The following RAB3IP variants were observed in gnomAD, a reference collection of about 807,000 sequenced individuals.
The protein encoded by RAB3IP is rab-3A-interacting protein.
A neutral mutation model predicts 59.1 loss-of-function variants in RAB3IP; 36 were observed. The ratio of observed to expected loss-of-function variants is 0.61; its 90% CI spans 0.47 to 0.80. The LOEUF (loss-of-function observed/expected upper bound fraction) is 0.80, where lower values mean the gene tolerates loss of function less well. RAB3IP is among the 30% of genes least tolerant of loss of function. The pLI is 0.00. For missense variants in RAB3IP, 511 were observed against 536.0 expected (o/e 0.95, Z 0.46); for synonymous variants, 207 against 191.2 (o/e 1.08, Z -0.68).
chr12:69,754,271 TTGA>T (rs1869810382), intron 1 of RAB3IP, among the ~76,000 whole-genome samples: 1 of 152,008 alleles, frequency 6.6e-6, no homozygotes, highest in South Asian at 2.1e-4. Context: ...CTTCCAGATT[TTGA>T]TGATGATTTT....
chr12:69,784,724 T>G lies in RAB3IP; in HGVS notation c.515T>G (p.Leu172Arg). The change falls in exon 4 of 11, where the codon CTG (leucine) becomes CGG (arginine). Residue 172 changes from leucine (L) to arginine (R), a missense_variant. Physicochemically the swap from Leu to Arg is moderately radical, Grantham distance 102 (BLOSUM62 -2). Transcript: ENST00000247833. ...KEELAKAQRE[L>R]KLKDEECERL... is the part of the protein sequence containing the mutation. ...AAAATTATCAATTTCTCTTAGGAAC[T>G]GAAGTTAAAAGATGAAGAATGTGAG... is the stretch of plus-strand genomic sequence containing the variant. The G allele has an allele frequency of 6.3e-7, 1 of 1,594,552 alleles. No homozygotes were observed. Among genetic ancestry groups the G allele is most frequent in the Non-Finnish European group, 8.6e-7 (1 of 1,166,384 alleles).
At chr12:69,799,196 CTA>C (rs2136241795) in intron 6 of RAB3IP, among the ~76,000 whole-genome samples, 1 of 152,274 alleles carries the variant, frequency 6.6e-6, no homozygotes, top group East Asian at 1.9e-4. Flanking sequence ...ACACTCAGCT[CTA>C]TGTTACATTT....
upstream of RAB3IP, chr12:69,738,419 C>T (rs1246223560): frequency 6.6e-6 from 1 of 152,278 alleles, no homozygotes; most frequent in Non-Finnish European, 1.5e-5. Flanking sequence ...TTCCTCCCCT[C>T]CCATCTCCCG....
intron 8 of RAB3IP, among the ~76,000 whole-genome samples, chr12:69,805,135 A>G (rs1879042076): frequency 6.6e-6 from 1 of 152,178 alleles, no homozygotes; most frequent in South Asian, 2.1e-4. Context: ...TGAGCATTGA[A>G]TGTTCTTCCA....
chr12:69,793,175 A>G (rs1263827544), intron 4 of RAB3IP, among the ~76,000 whole-genome samples: 2 of 152,224 alleles, frequency 1.3e-5, no homozygotes, highest in Non-Finnish European at 2.9e-5. Flanking sequence ...CTTTGCCAAG[A>G]TAGCCAGAAT....
chr12:69,787,317 A>G (rs929870115), intron 4 of RAB3IP, among the ~76,000 whole-genome samples: 1 of 152,230 alleles, frequency 6.6e-6, no homozygotes, highest in Non-Finnish European at 1.5e-5. Flanking sequence ...AGTTGAAAGA[A>G]TACAAAGCAG....
intron 8 of RAB3IP, among the ~76,000 whole-genome samples, chr12:69,803,404 G>T (rs1878697357): frequency 6.6e-6 from 1 of 152,128 alleles, no homozygotes; most frequent in Non-Finnish European, 1.5e-5. Flanking sequence ...GCACAGCACT[G>T]TAGGAATTTT....
chr12:69,740,349 A>G (rs902384591), intron 1 of RAB3IP, among the ~76,000 whole-genome samples: 7 of 152,144 alleles, frequency 4.6e-5, no homozygotes, highest in African/African-American at 1.7e-4. Flanking sequence ...TCATGTTTGG[A>G]CAGACAGTGT....
intron 3 of RAB3IP, among the ~76,000 whole-genome samples, chr12:69,768,897 G>T (rs191139361): frequency 2.3e-4 from 35 of 152,226 alleles, no homozygotes; most frequent in African/African-American, 7.9e-4. Context: ...GACTTCGTAT[G>T]TACCCTGATA....
chr12:69,795,212 G>C lies in RAB3IP; in HGVS notation c.756G>C (p.Thr252=). 1 of 1,613,986 alleles carries C rather than the reference G, an allele frequency of 6.2e-7. No individual in the cohort carries two copies. The highest frequency in any genetic ancestry group is 8.5e-7 in the Non-Finnish European group (1 of 1,179,926). Residue 252 remains threonine, a synonymous_variant, in exon 6 of 11, where the codon ACG becomes ACC. Coordinates refer to ENST00000247833, the MANE Select transcript of RAB3IP (RefSeq NM_022456.5). ...LVLSSSPTSP[T]QEPLPGGKTP... ...TGTCCAGTTCTCCAACATCACCTAC[G>C]CAGGAGCCTTTGCCAGGTGGAAAGA... is the stretch of plus-strand genomic sequence containing the variant.
intron 1 of RAB3IP, among the ~76,000 whole-genome samples, chr12:69,747,874 C>T (rs1868581105): frequency 6.6e-6 from 1 of 152,192 alleles, no homozygotes; most frequent in Non-Finnish European, 1.5e-5. Context: ...GATCTCAGAG[C>T]TTGATCAGGA....
At chr12:69,740,480 T>C (rs941332585) in intron 1 of RAB3IP, among the ~76,000 whole-genome samples, 1 of 152,238 alleles carries the variant, frequency 6.6e-6, no homozygotes, top group Admixed American at 6.5e-5. Flanking sequence ...TGCATTTTTT[T>C]CCATTACAGT....
At chr12:69,802,018 T>C (rs1878465957) in intron 8 of RAB3IP, among the ~76,000 whole-genome samples, 3 of 147,798 alleles carry the variant, frequency 2.0e-5, no homozygotes, top group Admixed American at 1.3e-4. Flanking sequence ...AATACAGTAA[T>C]ATACATATAT....
chr12:69,739,739 T>C, intron 1 of RAB3IP: 1 of 1,152,668 alleles, frequency 8.7e-7, no homozygotes, highest in South Asian at 1.3e-5. Context: ...GGCTCTGCCC[T>C]CCCAGCGTTG....
At position 69,800,350 on chromosome 12, in the gene RAB3IP, C is replaced by T. The variant is rs374679190; in HGVS notation, c.1017+13C>T. The stretch of plus-strand genomic sequence containing the variant: ...CTCAAAAAGTGAGGTAATTTTTTTT[C>T]ATTTTAGTAGGAATTCATTATAGTT... On this transcript the variant is annotated intron_variant, in intron 7 of 10. Coordinates refer to ENST00000247833, the MANE Select transcript of RAB3IP (RefSeq NM_022456.5). 1.3e-6 allele frequency: 2 copies of T among 1,497,832 alleles called. No individual in the cohort carries two copies. The highest frequency in any genetic ancestry group is 1.4e-5 in the African/African-American group (1 of 70,564). 92.8% of individuals were successfully genotyped at this position (1,497,832 alleles called of 1,614,324 possible).
intron 8 of RAB3IP, among the ~76,000 whole-genome samples, chr12:69,807,906 G>A (rs1021938106): frequency 7.2e-5 from 11 of 152,058 alleles, no homozygotes; most frequent in Non-Finnish European, 1.6e-4. Flanking sequence ...TCCCAGATGG[G>A]GCGGCCGGGC....
chr12:69,802,053 A>T (rs1342163738), intron 8 of RAB3IP, among the ~76,000 whole-genome samples: 7 of 150,486 alleles, frequency 4.7e-5, no homozygotes, highest in African/African-American at 1.7e-4. Flanking sequence ...TAAACTAGAG[A>T]TAGAAACCGG....
intron 10 of RAB3IP, among the ~76,000 whole-genome samples, chr12:69,814,602 G>A (rs917268645): frequency 5.9e-5 from 9 of 152,004 alleles, no homozygotes; most frequent in African/African-American, 2.2e-4. Flanking sequence ...GCACCCCCGA[G>A]ATGGGACAGT....
rs1427157093 is a variant in RAB3IP at position 69,738,886 on chromosome 12, C to CGGCTGCCGGCGTAGTGA, written c.-169_-153dup. 5 of 152,068 alleles carry CGGCTGCCGGCGTAGTGA rather than the reference C, an allele frequency of 3.3e-5. No individual in the cohort carries two copies. Among genetic ancestry groups the CGGCTGCCGGCGTAGTGA allele is most frequent in the Non-Finnish European group, 5.9e-5 (4 of 68,018 alleles). The allele number at this position is 152,068 out of a possible 1,614,324, so 9.4% of individuals were successfully genotyped here. On this transcript the variant is annotated 5_prime_UTR_variant, in exon 1 of 11. Coordinates refer to ENST00000247833, the MANE Select transcript of RAB3IP (RefSeq NM_022456.5). ...CAGGCGCAGTCCCGCGTTCCCTCGG[C>CGGCTGCCGGCGTAGTGA]GGCTGCCGGCGTAGTGAGCCCGCCG...
Sources: gnomAD v4.1 joint callset for allele counts (sites outside exome capture counted in the v4.1 genomes callset) on GRCh38, gnomAD v4.1.1 for gene constraint, MANE v1.5 for transcripts, NCBI Gene and HGNC (gene_info 2026-07-23, HGNC 2026-07-21) for gene names.